Variants in SLC25A48 observed in about 807,000 individuals in gnomAD.
SLC25A48 encodes the protein CTC-321K16.1.
In SLC25A48, 29 loss-of-function variants were observed where a neutral mutation model predicts 32.2. The ratio of observed to expected loss-of-function variants is 0.90; its 90% CI spans 0.67 to 1.23. The LOEUF (loss-of-function observed/expected upper bound fraction) is 1.23. Among genes scored for constraint, SLC25A48 ranks in the 50% most tolerant of loss-of-function variants. SLC25A48 has a pLI of 0.00. For missense variants in SLC25A48, 399 were observed against 422.7 expected, an observed-to-expected ratio of 0.94 and a Z score of 0.49; for synonymous variants, 164 against 172.3, an observed-to-expected ratio of 0.95 and a Z score of 0.38.
At chr5:135,690,117 G>C (rs1304260756) in intron 3 of SLC25A48, among the ~76,000 whole-genome samples, 1 of 152,118 alleles carries the variant, frequency 6.6e-6, no homozygotes, top group African/African-American at 2.4e-5. Flanking sequence ...AACCAGGATG[G>C]TTCCAGACAA....
chr5:135,640,166 G>A (rs1752798359), intron 3 of SLC25A48, among the ~76,000 whole-genome samples: 1 of 152,190 alleles, frequency 6.6e-6, no homozygotes, highest in African/African-American at 2.4e-5. Flanking sequence ...ATTGCAGACT[G>A]TGGACGAAAG....
chr5:135,852,679 G>A lies in SLC25A48; in HGVS notation c.279G>A (p.Gly93=), dbSNP rs749515261. The change falls in exon 4 of 8, where the codon GGG becomes GGA. Residue 93 remains glycine (G), a synonymous_variant. Coordinates refer to ENST00000681962, the MANE Select transcript of SLC25A48 (RefSeq NM_001349336.2). The stretch of plus-strand genomic sequence containing the variant: ...GGTTCCTCAGCCAGCACCGCTGCGG[G>A]GAGCCAGAGGCCAGTCCTCCCCGCA... The part of the protein sequence containing the change: ...TQRFLSQHRC[G]EPEASPPRTL... The A allele has an allele frequency of 4.3e-6, 7 of 1,614,024 alleles. No individual in the cohort carries two copies. In the South Asian group the frequency reaches 7.7e-5, roughly 18 times the overall value.
intron 3 of SLC25A48, among the ~76,000 whole-genome samples, chr5:135,809,827 C>T (rs1265319813): frequency 1.3e-5 from 2 of 152,166 alleles, no homozygotes; most frequent in South Asian, 2.1e-4. Context: ...TGGTACTCCA[C>T]GGTACCAATG....
Position 135,784,160 on chromosome 5 carries a change from C to A in SLC25A48, c.-520-28363C>A, listed in dbSNP as rs12515061. 3.6e-3 allele frequency among the ~76,000 whole-genome samples: 412 copies of A among 115,614 alleles called. 118 individuals are homozygous for A. The highest frequency in any genetic ancestry group is 4.6e-3 in the Non-Finnish European group (214 of 46,842). The allele number at this position is 115,614 out of a possible 152,430, so 75.8% of individuals were successfully genotyped here. A position where few individuals can be genotyped will look rare whatever the true frequency, so the allele number is the denominator to read the frequency against. ...TCCCAATATCCAGGGAAAAAGGGGACGACATTACTTTCAATATTGCAATAA... is the reference window on the plus strand; with the variant it reads ...TCCCAATATCCAGGGAAAAAGGGGAAGACATTACTTTCAATATTGCAATAA... On this transcript the variant is annotated intron_variant, in intron 3 of 10. Coordinates refer to the SLC25A48 transcript ENST00000646290.
intron 3 of SLC25A48, among the ~76,000 whole-genome samples, chr5:135,722,662 G>A (rs1226053759): frequency 6.6e-6 from 1 of 152,222 alleles, no homozygotes; most frequent in Non-Finnish European, 1.5e-5. Context: ...ACAGTATTAT[G>A]AGGGTTGAAT....
chr5:135,650,298 C>T (rs1397088198), intron 3 of SLC25A48: 3 of 397,618 alleles, frequency 7.5e-6, no homozygotes, highest in Non-Finnish European at 1.5e-5. Context: ...TCTCCTTTCT[C>T]CTCCCTTTTC....
intron 3 of SLC25A48, chr5:135,649,197 T>C (rs1753043573): frequency 6.6e-6 from 1 of 152,362 alleles, no homozygotes; most frequent in African/African-American, 2.4e-5. Context: ...GGCAACAGCA[T>C]CCACAGAAAT....
intron 1 of SLC25A48, among the ~76,000 whole-genome samples, chr5:135,612,971 T>A (rs1272325525): frequency 1.3e-5 from 2 of 152,218 alleles, no homozygotes; most frequent in African/African-American, 4.8e-5. Flanking sequence ...GGAAGTTTTA[T>A]TTTTAGTTTT....
intron 4 of SLC25A48, among the ~76,000 whole-genome samples, chr5:135,818,771 T>A: frequency 6.6e-6 from 1 of 152,140 alleles, no homozygotes; most frequent in East Asian, 1.9e-4. Flanking sequence ...GGGCCATGTG[T>A]TGGAATTATC....
intron 3 of SLC25A48, among the ~76,000 whole-genome samples, chr5:135,768,131 C>T (rs758477808): frequency 3.5e-5 from 5 of 143,184 alleles, no homozygotes; most frequent in Non-Finnish European, 7.8e-5. Flanking sequence ...AATGATATTA[C>T]TCCAAATATC....
At chr5:135,795,609 A>G (rs1324883358) in intron 3 of SLC25A48, among the ~76,000 whole-genome samples, 5 of 151,814 alleles carry the variant, frequency 3.3e-5, no homozygotes, top group Non-Finnish European at 7.4e-5. Context: ...AAAGAGAATT[A>G]TATTACTGCC....
At chr5:135,731,013 G>A (rs1399616911) in intron 3 of SLC25A48, among the ~76,000 whole-genome samples, 1 of 152,210 alleles carries the variant, frequency 6.6e-6, no homozygotes, top group African/African-American at 2.4e-5. Flanking sequence ...TCATGTCCAT[G>A]TGAAGAGACC....
intron 4 of SLC25A48, among the ~76,000 whole-genome samples, chr5:135,814,957 G>T (rs973428598): frequency 6.6e-6 from 1 of 152,216 alleles, no homozygotes; most frequent in African/African-American, 2.4e-5. Flanking sequence ...AGTACTGTGG[G>T]TTCTGCTAGA....
In SLC25A48 at chr5:135,879,999, T is replaced by A. The variant is rs923039489; in HGVS notation, c.845T>A (p.Val282Glu). The A allele has an allele frequency of 5.2e-6, 8 of 1,536,394 alleles. No homozygotes were observed. The highest frequency in any genetic ancestry group is 7.0e-6 in the Non-Finnish European group (8 of 1,146,964). The change falls in exon 7 of 8, where the codon GTG (valine) becomes GAG (glutamate). Residue 282 changes from valine to glutamate, a missense_variant. Coordinates refer to ENST00000681962, the MANE Select transcript of SLC25A48 (RefSeq NM_001349336.2). Reference protein sequence around the residue: ...VFFRGITVNAVRGFPMSAAMF... With the variant: ...VFFRGITVNAERGFPMSAAMF... Reference sequence around the variant, plus strand: ...TTCAGAGGCATCACTGTGAACGCGGTGCGGGGCTTCCCCATGAGTGCGGCC... The same window carrying A: ...TTCAGAGGCATCACTGTGAACGCGGAGCGGGGCTTCCCCATGAGTGCGGCC...
chr5:135,580,016 G>T (rs1580697114), intron 1 of SLC25A48, among the ~76,000 whole-genome samples: 1 of 152,308 alleles, frequency 6.6e-6, no homozygotes, highest in Middle Eastern at 3.4e-3. Flanking sequence ...CATACATGTT[G>T]TCAGTACCCA....
intron 1 of SLC25A48, among the ~76,000 whole-genome samples, chr5:135,610,761 A>G (rs575485139): frequency 6.6e-6 from 1 of 152,360 alleles, no homozygotes; most frequent in Admixed American, 6.5e-5. Context: ...CAACCACTGA[A>G]TAAAGGGAAA....
chr5:135,717,833 G>T (rs1000267563), intron 3 of SLC25A48, among the ~76,000 whole-genome samples: 5 of 152,172 alleles, frequency 3.3e-5, no homozygotes, highest in African/African-American at 1.2e-4. Flanking sequence ...TCTGTTCTTT[G>T]AATATTGTCA....
intron 7 of SLC25A48, 49 bp downstream of exon 7, chr5:135,880,146 C>A: frequency 7.7e-7 from 1 of 1,300,378 alleles, no homozygotes; most frequent in Non-Finnish European, 1.0e-6. Flanking sequence ...GAACTTGAAA[C>A]TTTTTTTTTT....
chr5:135,700,548 G>A (rs989082739), intron 3 of SLC25A48, among the ~76,000 whole-genome samples: 5 of 152,176 alleles, frequency 3.3e-5, no homozygotes, highest in African/African-American at 9.7e-5. Flanking sequence ...TCTGGGAGAG[G>A]CCCCCACGGG....
Sources: allele counts gnomAD v4.1 joint callset (sites outside exome capture counted in the v4.1 genomes callset), GRCh38; gene constraint gnomAD v4.1.1; transcripts MANE v1.5; gene names NCBI Gene and HGNC (gene_info 2026-07-23, HGNC 2026-07-21).